FRS2: variants seen among roughly 807,000 people sequenced by gnomAD.
FRS2 encodes the protein FGFR signalling adaptor.
FRS2 carries 8 observed loss-of-function variants against 43.9 expected under a neutral mutation model. The ratio of observed to expected loss-of-function variants is 0.18; its 90% confidence interval spans 0.11 to 0.33. The LOEUF (loss-of-function observed/expected upper bound fraction) is 0.33, where lower values mean the gene tolerates loss of function less well. Among genes scored for constraint, FRS2 ranks in the 10% least tolerant of loss-of-function variants. The probability of loss-of-function intolerance (pLI) is 1.00; values close to 1 mark genes in which losing one functional copy is unlikely to be tolerated. For missense variants in FRS2, 534 were observed against 627.6 expected, an observed-to-expected ratio of 0.85 and a Z score of 1.59; for synonymous variants, 219 against 220.3, an observed-to-expected ratio of 0.99 and a Z score of 0.05.
intron 1 of FRS2, among the ~76,000 whole-genome samples, chr12:69,501,036 A>G (rs1873392527): frequency 1.3e-5 from 2 of 152,196 alleles, no homozygotes; most frequent in East Asian, 3.8e-4. Context: ...TTTCTACATT[A>G]TAAAATTAAT....
At chr12:69,551,828 C>T (rs1203470351) in intron 3 of FRS2, among the ~76,000 whole-genome samples, 4 of 152,086 alleles carry the variant, frequency 2.6e-5, no homozygotes, top group Non-Finnish European at 4.4e-5. Context: ...AACAACTTTT[C>T]ATTTCTGTTA....
At position 69,557,635 on chromosome 12, in the gene FRS2, C is replaced by T. The variant is rs1360834036; in HGVS notation, c.-121-4545C>T. ...GTGTGTGTGTGCGCGCGCGCGCGCG[C>T]GCAGGTGCATGCACGCTAGGATTGT... On this transcript the variant is annotated intron_variant, in intron 3 of 8. Transcript: ENST00000549921. Among the ~76,000 whole-genome samples, 5 of 135,636 alleles carry T rather than the reference C, an allele frequency of 3.7e-5. No homozygotes were observed. The South Asian group carries it at 6.9e-4, about 19-fold the overall frequency. The allele number at this position is 135,636 out of a possible 152,430, so 89.0% of individuals were successfully genotyped here. A position where few individuals can be genotyped will look rare whatever the true frequency, so the allele number is the denominator to read the frequency against.
At chr12:69,499,870 G>C (rs542498) in intron 1 of FRS2, among the ~76,000 whole-genome samples, 14,176 of 152,062 alleles carry the variant, frequency 0.093, 869 homozygotes, top group Non-Finnish European at 0.14. Flanking sequence ...TTGGAATCTG[G>C]AGCTTAGTTG....
At chr12:69,484,326 T>G (rs888489260) in intron 1 of FRS2, among the ~76,000 whole-genome samples, 5 of 152,180 alleles carry the variant, frequency 3.3e-5, no homozygotes, top group African/African-American at 1.2e-4. Flanking sequence ...CCTTGTGATC[T>G]GCCCGCTTTT....
At chr12:69,547,009 C>T (rs897729661) in intron 3 of FRS2, among the ~76,000 whole-genome samples, 1 of 152,164 alleles carries the variant, frequency 6.6e-6, no homozygotes, top group Non-Finnish European at 1.5e-5. Context: ...GTGGTATATA[C>T]ATGCAGTGGA....
chr12:69,528,657 G>T (rs1467661280), intron 1 of FRS2, among the ~76,000 whole-genome samples: 2 of 152,140 alleles, frequency 1.3e-5, no homozygotes, highest in Non-Finnish European at 2.9e-5. Flanking sequence ...TAGACACAAA[G>T]AAAGATCTAA....
chr12:69,494,948 AT>A (rs1872751062), intron 1 of FRS2, among the ~76,000 whole-genome samples: 1 of 151,920 alleles, frequency 6.6e-6, no homozygotes, highest in South Asian at 2.1e-4. Flanking sequence ...TAATTTTTAA[AT>A]TTTTAGTAGA....
intron 3 of FRS2, among the ~76,000 whole-genome samples, chr12:69,547,896 A>G (rs1878554452): frequency 7.0e-6 from 1 of 142,860 alleles, no homozygotes; most frequent in Non-Finnish European, 1.5e-5. Flanking sequence ...GCTAGAGTAC[A>G]ATGGCACAGT....
At chr12:69,544,573 G>A (rs1240561285) in intron 3 of FRS2, among the ~76,000 whole-genome samples, 4 of 151,960 alleles carry the variant, frequency 2.6e-5, no homozygotes, top group African/African-American at 4.8e-5. Context: ...TGGGCATAGT[G>A]GTGCGCACCT....
intron 4 of FRS2, among the ~76,000 whole-genome samples, chr12:69,564,775 T>C (rs1880148758): frequency 6.6e-6 from 1 of 152,248 alleles, no homozygotes; most frequent in African/African-American, 2.4e-5. Flanking sequence ...CATATGTTTA[T>C]TTAAAATGCA....
rs1041219988 is a variant in FRS2, at chr12:69,579,304, T to C, written c.*4349T>C. 2 of 152,678 alleles carry C rather than the reference T, an allele frequency of 1.3e-5. No homozygotes were observed. The highest frequency in any genetic ancestry group is 1.3e-4 in the Admixed American group (2 of 15,280). The allele number at this position is 152,678 out of a possible 1,614,324, so 9.5% of individuals were successfully genotyped here. On this transcript the variant is annotated 3_prime_UTR_variant, in exon 9 of 9. Coordinates refer to ENST00000549921, the MANE Select transcript of FRS2 (RefSeq NM_001278356.2). ...CAGGCATGAAAAGTTTTCTCATATA[T>C]GATGTAAACTTGCTTTTAAGGACAA...
intron 1 of FRS2, among the ~76,000 whole-genome samples, chr12:69,515,666 C>T (rs755802717): frequency 6.6e-6 from 1 of 152,060 alleles, no homozygotes; most frequent in Non-Finnish European, 1.5e-5. Flanking sequence ...GGTATGCACA[C>T]ACATTACCCT....
At chr12:69,507,327 T>C (rs981737004) in intron 1 of FRS2, among the ~76,000 whole-genome samples, 2 of 152,224 alleles carry the variant, frequency 1.3e-5, no homozygotes, top group Admixed American at 1.3e-4. Flanking sequence ...TTGGTTGTTA[T>C]ATCTCTGACT....
intron 1 of FRS2, among the ~76,000 whole-genome samples, chr12:69,499,231 G>A (rs1019624572): frequency 2.6e-5 from 4 of 152,184 alleles, no homozygotes; most frequent in Admixed American, 2.0e-4. Flanking sequence ...AGGCAATTGT[G>A]TGTATAGTGT....
At chr12:69,517,993 A>C (rs1369783018) in intron 1 of FRS2, among the ~76,000 whole-genome samples, 3 of 152,112 alleles carry the variant, frequency 2.0e-5, no homozygotes, top group African/African-American at 7.2e-5. Flanking sequence ...TATATATAAA[A>C]TATTAAGCAT....
chr12:69,479,950 G>A (rs1004895725), intron 1 of FRS2, among the ~76,000 whole-genome samples: 22 of 152,182 alleles, frequency 1.4e-4, no homozygotes, highest in African/African-American at 4.8e-4. Flanking sequence ...CTACCTCCGT[G>A]TCTCTTAACC....
In FRS2 at chr12:69,529,478, G is replaced by A. The variant is rs938512360; in HGVS notation, c.-260-1387G>A. Among the ~76,000 whole-genome samples, 6 of 151,994 alleles carry A rather than the reference G, an allele frequency of 3.9e-5. No homozygotes were observed. In the East Asian group the frequency reaches 1.2e-3, roughly 29 times the overall value. On this transcript the variant is annotated intron_variant, in intron 1 of 8. Coordinates refer to ENST00000549921, the MANE Select transcript of FRS2 (RefSeq NM_001278356.2). The stretch of plus-strand genomic sequence containing the variant: ...GTCTCTACTAAAAATACAAAAATTA[G>A]CCAGACGTGGTGGCATGTGCCTGTA...
At chr12:69,489,541 A>T (rs1872265167) in intron 1 of FRS2, among the ~76,000 whole-genome samples, 1 of 151,822 alleles carries the variant, frequency 6.6e-6, no homozygotes, top group Non-Finnish European at 1.5e-5. Context: ...GTGGTGGCGC[A>T]TGCCTGTAGT....
At chr12:69,501,970 T>G (rs1565729583) in intron 1 of FRS2, among the ~76,000 whole-genome samples, 1 of 145,954 alleles carries the variant, frequency 6.9e-6, no homozygotes, top group Admixed American at 6.8e-5. Context: ...GTTTTGTTTT[T>G]TTTGTTTTTT....
Sources: gnomAD v4.1 joint callset for allele counts (sites outside exome capture counted in the v4.1 genomes callset) on GRCh38, gnomAD v4.1.1 for gene constraint, MANE v1.5 for transcripts, NCBI Gene and HGNC (gene_info 2026-07-23, HGNC 2026-07-21) for gene names.